Variants in FER observed in about 807,000 individuals in gnomAD.
FER encodes the protein tyrosine-protein kinase Fer.
FER carries 63 observed loss-of-function variants against 111.0 expected under a neutral mutation model. That is an observed-to-expected ratio of 0.57 (90% CI 0.46 to 0.70). The LOEUF is 0.70. Among genes scored for constraint, FER ranks in the 30% least tolerant of loss-of-function variants. FER has a pLI of 0.00. For synonymous variants in FER, 327 were observed against 313.9 expected, an observed-to-expected ratio of 1.04 and a Z score of -0.44; for missense variants, 914 against 954.0, an observed-to-expected ratio of 0.96 and a Z score of 0.55.
At position 108,835,673 on chromosome 5, in the gene FER, A is replaced by G. The variant is rs1247670621; in HGVS notation, c.382-35A>G. The G allele has an allele frequency of 2.2e-5, 30 of 1,340,658 alleles. No homozygotes were observed. In the Admixed American group the frequency reaches 6.2e-4, roughly 28 times the overall value. 83.0% of individuals were successfully genotyped at this position (1,340,658 alleles called of 1,614,324 possible). ...TTCTTGAGCAATTTAAATTTAAACA[A>G]TTTAATACATTTATGCATTTTGTTT... is the stretch of plus-strand genomic sequence containing the variant. On this transcript the variant is annotated intron_variant, in intron 4 of 19. Coordinates refer to ENST00000281092, the MANE Select transcript of FER (RefSeq NM_005246.4).
intron 13 of FER, among the ~76,000 whole-genome samples, chr5:109,036,608 C>T (rs529682424): frequency 2.0e-5 from 3 of 152,132 alleles, no homozygotes; most frequent in Admixed American, 6.5e-5. Context: ...CTTCCTCCAA[C>T]TCTTCCTTCC....
intron 5 of FER, among the ~76,000 whole-genome samples, chr5:108,840,134 A>G (rs1007873781): frequency 6.6e-6 from 1 of 152,208 alleles, no homozygotes; most frequent in Non-Finnish European, 1.5e-5. Flanking sequence ...CAGGCGTCAT[A>G]TACTCTTGAT....
At chr5:109,103,034 C>G (rs1316130989) in intron 17 of FER, among the ~76,000 whole-genome samples, 1 of 152,000 alleles carries the variant, frequency 6.6e-6, no homozygotes, top group African/African-American at 2.4e-5. Flanking sequence ...GGATTTACTA[C>G]AGTGAACAGT....
At chr5:108,815,564 A>G (rs1357277737) in intron 3 of FER, among the ~76,000 whole-genome samples, 2 of 152,132 alleles carry the variant, frequency 1.3e-5, no homozygotes, top group African/African-American at 2.4e-5. Context: ...TGTGCTGAAG[A>G]TGAATTTTAC....
chr5:108,841,054 T>C (rs1048114955), intron 5 of FER, among the ~76,000 whole-genome samples: 46 of 152,182 alleles, frequency 3.0e-4, no homozygotes, highest in Non-Finnish European at 5.6e-4. Flanking sequence ...CAGAGAACAA[T>C]GTAAAGAGGG....
chr5:109,064,532 T>C (rs1302675558), intron 16 of FER, among the ~76,000 whole-genome samples: 1 of 152,218 alleles, frequency 6.6e-6, no homozygotes, highest in Non-Finnish European at 1.5e-5. Flanking sequence ...TTTTTTTCTA[T>C]TAATGAGGAA....
In FER at chr5:108,947,742, A is replaced by AG. The variant is rs548440475; in HGVS notation, c.1329+1520_1329+1521insG. 2.2e-3 allele frequency among the ~76,000 whole-genome samples: 327 copies of AG among 151,996 alleles called. 3 individuals are homozygous for AG. Among genetic ancestry groups the AG allele is most frequent in the Admixed American group, 5.1e-3 (78 of 15,252 alleles). On this transcript the variant is annotated intron_variant, in intron 11 of 19. Transcript: ENST00000281092. Reference sequence around the variant, plus strand: ...GTGTGCTTTTGGTTGTCAAAAAAAAATCGTCTAATCCAAGATTATGCTGAT... The same window carrying AG: ...GTGTGCTTTTGGTTGTCAAAAAAAAAGTCGTCTAATCCAAGATTATGCTGAT...
chr5:108,773,365 G>A (rs1388230963), intron 2 of FER, among the ~76,000 whole-genome samples: 1 of 151,982 alleles, frequency 6.6e-6, no homozygotes, highest in Non-Finnish European at 1.5e-5. Context: ...CTGTCCCACA[G>A]GCCCCAGTGG....
intron 3 of FER, among the ~76,000 whole-genome samples, chr5:108,799,454 G>T (rs1756397406): frequency 6.6e-6 from 1 of 152,122 alleles, no homozygotes; most frequent in Non-Finnish European, 1.5e-5. Flanking sequence ...ATCAAGTAAG[G>T]AGTTGTGATT....
intron 9 of FER, among the ~76,000 whole-genome samples, chr5:108,895,657 A>G (rs146296351): frequency 5.7e-4 from 87 of 152,296 alleles, no homozygotes; most frequent in Non-Finnish European, 1.1e-3. Flanking sequence ...ATACAGGATA[A>G]TCGGACATCT....
intron 10 of FER, among the ~76,000 whole-genome samples, chr5:108,898,174 A>G (rs958480387): frequency 7.2e-5 from 11 of 152,152 alleles, no homozygotes; most frequent in Non-Finnish European, 1.6e-4. Flanking sequence ...AATAAGAAGA[A>G]AGCTATTTAT....
In FER at chr5:109,071,471, CCATTTTATAGTGA is replaced by C. The variant is rs545312397; in HGVS notation, c.1924+24276_1924+24288del. ...TAGAAACCTACATCACTTGAGTAAACCATTTTATAGTGACAAATAAATGCCTTGTAATTTTATC... is the reference window on the plus strand; with the variant it reads ...TAGAAACCTACATCACTTGAGTAAACCAAATAAATGCCTTGTAATTTTATC... On this transcript the variant is annotated intron_variant, in intron 16 of 19. Transcript: ENST00000281092. Among the ~76,000 whole-genome samples the C allele has an allele frequency of 5.4e-3, 816 of 152,044 alleles. 6 individuals carry two copies. The highest frequency in any genetic ancestry group is 0.014 in the Middle Eastern group (4 of 294).
At chr5:109,121,799 G>T (rs933214176) in intron 17 of FER, among the ~76,000 whole-genome samples, 5 of 151,902 alleles carry the variant, frequency 3.3e-5, no homozygotes, top group Admixed American at 2.6e-4. Flanking sequence ...TTCAGAATTT[G>T]GATTTCTTCA....
At chr5:109,120,742 A>AT (rs1213593003) in intron 17 of FER, among the ~76,000 whole-genome samples, 1 of 151,696 alleles carries the variant, frequency 6.6e-6, no homozygotes, top group Non-Finnish European at 1.5e-5. Flanking sequence ...AACATGGAAT[A>AT]TTTTTTCATT....
intron 3 of FER, among the ~76,000 whole-genome samples, chr5:108,798,658 G>A (rs1428826977): frequency 6.6e-6 from 1 of 152,110 alleles, no homozygotes; most frequent in Non-Finnish European, 1.5e-5. Flanking sequence ...GACCAGCCTG[G>A]GGAAAGTGGT....
intron 17 of FER, among the ~76,000 whole-genome samples, chr5:109,151,487 C>G (rs1201229527): frequency 6.6e-6 from 1 of 151,978 alleles, no homozygotes; most frequent in African/African-American, 2.4e-5. Flanking sequence ...ATAACGTGAC[C>G]AGGGTGTGTG....
chr5:108,879,352 G>A (rs1211305086), intron 8 of FER, among the ~76,000 whole-genome samples: 2 of 151,902 alleles, frequency 1.3e-5, no homozygotes, highest in Non-Finnish European at 2.9e-5. Flanking sequence ...ACTGGGTATT[G>A]TCTCGCATGC....
At chr5:109,182,048 TGA>T (rs1192516758) in intron 18 of FER, among the ~76,000 whole-genome samples, 1 of 152,260 alleles carries the variant, frequency 6.6e-6, no homozygotes, top group Non-Finnish European at 1.5e-5. Context: ...GTAAGATTTT[TGA>T]GGTTCATCCA....
At chr5:108,902,631 A>G (rs1750204378) in intron 10 of FER, among the ~76,000 whole-genome samples, 1 of 152,228 alleles carries the variant, frequency 6.6e-6, no homozygotes, top group African/African-American at 2.4e-5. Flanking sequence ...GTAATGGAGC[A>G]TACTTTGGGA....
Sources: gnomAD v4.1 joint callset for allele counts (sites outside exome capture counted in the v4.1 genomes callset) on GRCh38, gnomAD v4.1.1 for gene constraint, MANE v1.5 for transcripts, NCBI Gene and HGNC (gene_info 2026-07-23, HGNC 2026-07-21) for gene names.